The following ATE1 variants were observed in gnomAD, a reference collection of about 807,000 sequenced individuals.
The protein encoded by ATE1 is arginyl-tRNA--protein transferase 1.
In ATE1, 36 loss-of-function variants were observed where a neutral mutation model predicts 70.5. That is an observed-to-expected ratio of 0.51 (90% CI 0.39 to 0.67). The LOEUF is 0.67. ATE1 is among the 30% of genes least tolerant of loss of function. The probability of loss-of-function intolerance (pLI) is 0.00; values close to 1 mark genes in which losing one functional copy is unlikely to be tolerated. For missense variants in ATE1, 593 were observed against 629.5 expected, an observed-to-expected ratio of 0.94 and a Z score of 0.62; for synonymous variants, 232 against 219.3, an observed-to-expected ratio of 1.06 and a Z score of -0.51.
chr10:121,757,465 G>C (rs144585890), intron 11 of ATE1, among the ~76,000 whole-genome samples: 1,560 of 152,206 alleles, frequency 0.01, 11 homozygotes, highest in African/African-American at 0.027. Context: ...TACTGTATTA[G>C]TCCATTTTCA....
At chr10:121,749,106 G>A (rs1399911039) in intron 11 of ATE1, among the ~76,000 whole-genome samples, 1 of 152,132 alleles carries the variant, frequency 6.6e-6, no homozygotes, top group Non-Finnish European at 1.5e-5. Flanking sequence ...CTAATAATAT[G>A]TGTTGCCAGC....
At chr10:121,853,910 T>C (rs1590506891) in intron 8 of ATE1, among the ~76,000 whole-genome samples, 2 of 152,290 alleles carry the variant, frequency 1.3e-5, no homozygotes, top group African/African-American at 4.8e-5. Context: ...TAGGGGAAGG[T>C]AGCTCCCTTC....
rs757006785 is a variant in ATE1 at position 121,910,950 on chromosome 10, C to G, written c.539G>C (p.Gly180Ala). ...QDFVGEKLGS[G>A]EPSHSVKVHT... ...AACTTTAACTGAATGTGACGGTTCA[C>G]CAGAGCCCAACTTCTCTCCTACGAA... Residue 180 changes from glycine to alanine, a missense_variant, in exon 5 of 12, where the codon GGT (glycine) becomes GCT (alanine). Gly to Ala is a moderately conservative substitution (Grantham distance 60). Around this residue, in one of 3 missense-constraint regions of ATE1, gnomAD observed 467 missense variants for 469.6 expected, o/e 0.99. Coordinates refer to ENST00000224652, the MANE Select transcript of ATE1 (RefSeq NM_001001976.3). 6.2e-7 allele frequency: 1 copy of G among 1,613,858 alleles called. No individual in the cohort carries two copies. Among genetic ancestry groups the G allele is most frequent in the South Asian group, 1.1e-5 (1 of 90,946 alleles).
chr10:121,853,726 G>T (rs188685334), intron 8 of ATE1, among the ~76,000 whole-genome samples: 1 of 152,284 alleles, frequency 6.6e-6, no homozygotes, highest in Admixed American at 6.5e-5. Flanking sequence ...GGGTGTCTTA[G>T]TCTATCCAGG....
intron 7 of ATE1, among the ~76,000 whole-genome samples, chr10:121,883,814 G>T (rs1223677166): frequency 6.6e-6 from 1 of 151,982 alleles, no homozygotes; most frequent in Non-Finnish European, 1.5e-5. Context: ...AGTATAAAAA[G>T]CACTGCAGAC....
chr10:121,913,916 T>C, intron 3 of ATE1, 23 bp from the exon 4 acceptor site: 2 of 1,568,918 alleles, frequency 1.3e-6, no homozygotes, highest in East Asian at 2.3e-5. Context: ...AATAAATATT[T>C]AAAAAGTGAA....
intron 5 of ATE1, among the ~76,000 whole-genome samples, chr10:121,904,466 CCT>C (rs1243868565): frequency 6.7e-6 from 1 of 150,336 alleles, no homozygotes; most frequent in Non-Finnish European, 1.5e-5. Context: ...ACGGTGAAAC[CCT>C]GTCTCTACTA....
intron 3 of ATE1, among the ~76,000 whole-genome samples, chr10:121,918,582 C>T (rs572140813): frequency 1.2e-4 from 18 of 152,212 alleles, no homozygotes; most frequent in Non-Finnish European, 2.2e-4. Context: ...CAATCAACTT[C>T]AAACTTATGA....
At chr10:121,872,878 AAGTTAAC>A (rs1379452236) in intron 7 of ATE1, among the ~76,000 whole-genome samples, 1 of 152,140 alleles carries the variant, frequency 6.6e-6, no homozygotes, top group Admixed American at 6.5e-5. Flanking sequence ...ATAATGGGTA[AAGTTAAC>A]AGTAGTTAAG....
At chr10:121,823,949 C>G (rs1947905262) in intron 10 of ATE1, among the ~76,000 whole-genome samples, 1 of 152,098 alleles carries the variant, frequency 6.6e-6, no homozygotes, top group African/African-American at 2.4e-5. Context: ...TGAGTTAAGG[C>G]AAACTCTGGG....
intron 8 of ATE1, among the ~76,000 whole-genome samples, chr10:121,855,698 G>T (rs1312580834): frequency 6.6e-6 from 1 of 152,156 alleles, no homozygotes; most frequent in Non-Finnish European, 1.5e-5. Context: ...AAGAAAGCAG[G>T]TATATAAATT....
At position 121,927,925 on chromosome 10, in the gene ATE1, G is replaced by A; in HGVS notation, c.25C>T (p.Pro9Ser). The A allele has an allele frequency of 1.3e-6, 2 of 1,579,800 alleles. No homozygotes were observed. Among genetic ancestry groups the A allele is most frequent in the East Asian group, 2.4e-5 (1 of 41,496 alleles). Residue 9 changes from proline (P) to serine (S), a missense_variant, in exon 1 of 12, where the codon CCC (proline) becomes TCC (serine). This residue lies in a region of ATE1 where 467 missense variants were observed against 469.6 expected (regional missense o/e 0.99). Transcript: ENST00000224652. ...CTAGGGAAATAGTCCACGACGCTGG[G>A]CGAACCCCCCGCCCAGAAAGCCATG... MAFWAGGS[P>S]SVVDYFPSED...
intron 10 of ATE1, among the ~76,000 whole-genome samples, chr10:121,798,324 G>A (rs944851378): frequency 6.6e-6 from 1 of 152,170 alleles, no homozygotes; most frequent in Non-Finnish European, 1.5e-5. Flanking sequence ...AGAAACTACT[G>A]GCTCATGTCA....
At chr10:121,909,416 T>A (rs1385172228) in intron 5 of ATE1, among the ~76,000 whole-genome samples, 1 of 152,222 alleles carries the variant, frequency 6.6e-6, no homozygotes, top group Non-Finnish European at 1.5e-5. Context: ...TCTTCAAGTA[T>A]AATAATGGTA....
chr10:121,765,683 G>A (rs1422866857), intron 11 of ATE1, among the ~76,000 whole-genome samples: 1 of 152,116 alleles, frequency 6.6e-6, no homozygotes, highest in Non-Finnish European at 1.5e-5. Context: ...ATTCATGTGG[G>A]GATTTTTCAT....
chr10:121,893,519 GAC>G (rs1412082529), intron 7 of ATE1, among the ~76,000 whole-genome samples: 2 of 151,574 alleles, frequency 1.3e-5, no homozygotes, highest in Non-Finnish European at 2.9e-5. Context: ...CTTTATAAAA[GAC>G]ACAATTATAT....
chr10:121,877,905 T>C (rs1391182337), intron 7 of ATE1, among the ~76,000 whole-genome samples: 1 of 152,194 alleles, frequency 6.6e-6, no homozygotes, highest in Non-Finnish European at 1.5e-5. Flanking sequence ...GAGAAATTAG[T>C]GTTATGTCCA....
intron 8 of ATE1, among the ~76,000 whole-genome samples, chr10:121,854,841 G>A (rs1949187111): frequency 6.6e-6 from 1 of 152,160 alleles, no homozygotes; most frequent in African/African-American, 2.4e-5. Context: ...CAATACAGAA[G>A]CCTTTGTTCT....
Position 121,860,190 on chromosome 10 carries a change from G to C in ATE1, c.975+9816C>G, listed in dbSNP as rs183164119. On this transcript the variant is annotated intron_variant, in intron 8 of 11. Transcript: ENST00000224652. ...TAGTTTTGAGGGACCTCTTTATCTG[G>C]AATACTCTTACTCTGTAAGTGAGAA... Among the ~76,000 whole-genome samples, 271 of 152,274 alleles carry C rather than the reference G, an allele frequency of 1.8e-3. 1 individual carries two copies. Among genetic ancestry groups the C allele is most frequent in the African/African-American group, 6.2e-3 (259 of 41,554 alleles).
Sources: allele counts gnomAD v4.1 joint callset (sites outside exome capture counted in the v4.1 genomes callset), GRCh38; gene constraint gnomAD v4.1.1; regional missense constraint gnomAD v4.1.1; transcripts MANE v1.5; gene names NCBI Gene and HGNC (gene_info 2026-07-23, HGNC 2026-07-21).